VIM: variants seen among roughly 807,000 people sequenced by gnomAD.
VIM encodes vimentin, also known as epididymis secretory sperm binding protein.
A neutral mutation model predicts 50.3 loss-of-function variants in VIM; 18 were observed. That is an observed-to-expected ratio of 0.36 (90% CI 0.25 to 0.53). VIM has a LOEUF of 0.53. Ranked by LOEUF, VIM falls within the 20% of genes least tolerant of loss-of-function variation. The pLI is 0.91. For missense variants in VIM, 551 were observed against 614.7 expected, an observed-to-expected ratio of 0.90 and a Z score of 1.10; for synonymous variants, 245 against 248.5, an observed-to-expected ratio of 0.99 and a Z score of 0.13.
chr10:17,237,407 C>G lies in VIM; in HGVS notation c.*136C>G, dbSNP rs186277663. ...GATAGATTTGGAATAGGAATAAGCT[C>G]TAGTTCTTAACAACCGACACTCCTA... is the stretch of plus-strand genomic sequence containing the variant. On this transcript the variant is annotated 3_prime_UTR_variant, in exon 10 of 10. Coordinates refer to ENST00000544301, the MANE Select transcript of VIM (RefSeq NM_003380.5). 20 of 818,238 alleles carry G rather than the reference C, an allele frequency of 2.4e-5. No individual in the cohort carries two copies. The African/African-American group carries it at 3.1e-4, about 13-fold the overall frequency. The allele number at this position is 818,238 out of a possible 1,614,324, so 50.7% of individuals were successfully genotyped here.
intron 3 of VIM, among the ~76,000 whole-genome samples, chr10:17,232,708 A>G (rs944522570): frequency 2.0e-5 from 3 of 152,220 alleles, no homozygotes; most frequent in Admixed American, 6.5e-5. Flanking sequence ...GCCTTGTACA[A>G]TGGATGCCAG....
intron 8 of VIM, 101 bp from the exon 9 acceptor site, chr10:17,236,193 G>T: frequency 1.0e-6 from 1 of 984,078 alleles, no homozygotes; most frequent in Non-Finnish European, 1.6e-6. Context: ...TTACACAATT[G>T]CCTCTCCCCC....
chr10:17,232,285 A>G (rs1258534773), intron 3 of VIM, among the ~76,000 whole-genome samples: 8 of 152,246 alleles, frequency 5.3e-5, no homozygotes, highest in Non-Finnish European at 1.0e-4. Context: ...AAAAGTCTCA[A>G]CAGTTTAAGA....
chr10:17,229,713 G>T lies in VIM; in HGVS notation c.291G>T (p.Lys97Asn). Reference sequence around the variant, plus strand: ...CCGACGCCATCAACACCGAGTTCAAGAACACCCGCACCAACGAGAAGGTGG... The same window carrying T: ...CCGACGCCATCAACACCGAGTTCAATAACACCCGCACCAACGAGAAGGTGG... The part of the protein sequence containing the change: ...SLADAINTEF[K>N]NTRTNEKVEL... Residue 97 changes from lysine to asparagine, a missense_variant, in exon 2 of 10, where the codon AAG becomes AAT. Physicochemically the swap from Lys to Asn is moderately conservative, Grantham distance 94. This residue lies in a region of VIM where 23 missense variants were observed against 50.9 expected (regional missense o/e 0.45). Transcript: ENST00000544301. 6.3e-7 allele frequency: 1 copy of T among 1,575,624 alleles called. No individual in the cohort carries two copies.
chr10:17,231,404 CTATGG>C (rs748854004), intron 3 of VIM, among the ~76,000 whole-genome samples: 41 of 152,242 alleles, frequency 2.7e-4, no homozygotes, highest in Admixed American at 4.6e-4. Context: ...TTAATGGTTT[CTATGG>C]GCTTCACTAT....
chr10:17,229,311 G>C lies in VIM; in HGVS notation c.-112G>C, dbSNP rs1184010176. 4 of 1,168,222 alleles carry C rather than the reference G, an allele frequency of 3.4e-6. No homozygotes were observed. The African/African-American group carries it at 4.6e-5, about 13-fold the overall frequency. The allele number at this position is 1,168,222 out of a possible 1,614,324, so 72.4% of individuals were successfully genotyped here. Reference sequence around the variant, plus strand: ...CTCTCGCTCCGAGGTCCCCGCGCCAGAGACGCAGCCGCGCTCCCACCACCC... The same window carrying C: ...CTCTCGCTCCGAGGTCCCCGCGCCACAGACGCAGCCGCGCTCCCACCACCC... On this transcript the variant is annotated 5_prime_UTR_variant, in exon 2 of 10. Coordinates refer to ENST00000544301, the MANE Select transcript of VIM (RefSeq NM_003380.5).
At chr10:17,230,966 G>GA in intron 3 of VIM, 1 of 444,228 alleles carries the variant, frequency 2.3e-6, no homozygotes, top group Non-Finnish European at 4.1e-6. Context: ...GCAGTGGCGA[G>GA]ATCTTGGCTC....
chr10:17,230,147 C>T (rs1317007928), intron 2 of VIM, 162 bp downstream of exon 2: 10 of 868,890 alleles, frequency 1.2e-5, no homozygotes, highest in Non-Finnish European at 1.2e-5. Context: ...TGTGGTGGCG[C>T]AGCCCCGCCC....
intron 1 of VIM, chr10:17,228,828 G>C (rs186492129): frequency 6.5e-6 from 1 of 153,222 alleles, no homozygotes; most frequent in African/African-American, 2.4e-5. Flanking sequence ...TTCTTTCTCC[G>C]CGACTTCAGA....
At chr10:17,228,792 G>A (rs1468242864) in intron 1 of VIM, 1 of 152,014 alleles carries the variant, frequency 6.6e-6, no homozygotes, top group East Asian at 2.0e-4. Flanking sequence ...CCCCCACCCC[G>A]CGTTCCAATC....
rs1846837247 is a variant in VIM, at chr10:17,233,803, C to G, written c.754C>G (p.Gln252Glu). The stretch of plus-strand genomic sequence containing the variant: ...GGAGCTGCAGGCTCAGATTCAGGAA[C>G]AGCATGTCCAAATCGATGTGGATGT... ...IQELQAQIQEQHVQIDVDVSK... is the reference protein window; with the variant it reads ...IQELQAQIQEEHVQIDVDVSK... The change falls in exon 5 of 10, where the codon CAG becomes GAG. Residue 252 changes from glutamine to glutamate, a missense_variant. This residue lies in a region of VIM where 394 missense variants were observed against 437.5 expected (regional missense o/e 0.90). Coordinates refer to ENST00000544301, the MANE Select transcript of VIM (RefSeq NM_003380.5). 1 of 1,614,072 alleles carries G rather than the reference C, an allele frequency of 6.2e-7. No homozygotes were observed. The highest frequency in any genetic ancestry group is 1.1e-5 in the South Asian group (1 of 91,084).
At chr10:17,236,412 C>G in intron 9 of VIM, 33 bp downstream of exon 9, 3 of 1,486,400 alleles carry the variant, frequency 2.0e-6, no homozygotes, top group Non-Finnish European at 2.8e-6. Context: ...ATAGGGTAAT[C>G]TCAGACAGGA....
chr10:17,236,234 A>T (rs1588736602), intron 8 of VIM, 60 bp from the exon 9 acceptor site: 21 of 1,249,086 alleles, frequency 1.7e-5, no homozygotes, highest in East Asian at 1.6e-4. Flanking sequence ...TAAAATGGTT[A>T]CTTGGTTTTT....
In VIM at chr10:17,228,658, C is replaced by G. The variant is rs549793403; in HGVS notation, c.-148+134C>G. 8 of 152,904 alleles carry G rather than the reference C, an allele frequency of 5.2e-5. No individual in the cohort carries two copies. In the South Asian group the frequency reaches 6.1e-4, roughly 12 times the overall value. 9.5% of individuals were successfully genotyped at this position (152,904 alleles called of 1,614,324 possible). ...TCCCTCGACAGAACCTCCCCTCCCC[C>G]CAACATCTCTCCGCCAAGGCAAGTC... On this transcript the variant is annotated intron_variant, in intron 1 of 9. Coordinates refer to ENST00000544301, the MANE Select transcript of VIM (RefSeq NM_003380.5).
At chr10:17,230,791 C>G (rs1010702976) in intron 3 of VIM, 81 bp downstream of exon 3, 11 of 1,559,964 alleles carry the variant, frequency 7.1e-6, no homozygotes, top group African/African-American at 2.7e-5. Flanking sequence ...TTGCTTAACT[C>G]ACGTCTAAAA....
intron 3 of VIM, among the ~76,000 whole-genome samples, chr10:17,233,062 C>A (rs1846824225): frequency 6.6e-6 from 1 of 152,194 alleles, no homozygotes; most frequent in Admixed American, 6.5e-5. Context: ...ATTCTCCTGC[C>A]TCAACCTCCC....
Position 17,230,417 on chromosome 10 carries a change from A to C in VIM, c.564-233A>C. The C allele has an allele frequency of 6.7e-6, 4 of 601,194 alleles. No individual in the cohort carries two copies. In the Admixed American group the frequency reaches 8.5e-5, roughly 13 times the overall value. 37.2% of individuals were successfully genotyped at this position (601,194 alleles called of 1,614,324 possible). On this transcript the variant is annotated intron_variant, in intron 2 of 9. Coordinates refer to ENST00000544301, the MANE Select transcript of VIM (RefSeq NM_003380.5). ...AAGGGATGGTCCCTCGGGGGCGGGG[A>C]TGGCGGGGCTGTCCTGTAGGTCTGT... is the stretch of plus-strand genomic sequence containing the variant.
At chr10:17,230,832 C>A in intron 3 of VIM, 122 bp downstream of exon 3, 1 of 1,094,026 alleles carries the variant, frequency 9.1e-7, no homozygotes, top group Non-Finnish European at 1.4e-6. Context: ...CGCGTAAAGC[C>A]CTCTAGTGGC....
chr10:17,235,792 A>G, intron 7 of VIM, 54 bp from the exon 8 acceptor site: 1 of 1,529,270 alleles, frequency 6.5e-7, no homozygotes, highest in Admixed American at 1.7e-5. Context: ...ATTTGTTCCC[A>G]GTGGTTGAAG....
Sources: gnomAD v4.1 joint callset for allele counts (sites outside exome capture counted in the v4.1 genomes callset) on GRCh38, gnomAD v4.1.1 for gene constraint, gnomAD v4.1.1 regional missense constraint, MANE v1.5 for transcripts, NCBI Gene and HGNC (gene_info 2026-07-23, HGNC 2026-07-21) for gene names.